The following NLRP12 variants were observed in gnomAD, a reference collection of about 807,000 sequenced individuals.
The protein encoded by NLRP12 is NACHT, LRR and PYD domains-containing protein 12.
NLRP12 carries 108 observed loss-of-function variants against 91.2 expected under a neutral mutation model. The ratio of observed to expected loss-of-function variants is 1.18; its 90% confidence interval spans 1.01 to 1.39. The LOEUF is 1.39. NLRP12 is among the 40% of genes most tolerant of loss of function. NLRP12 has a pLI of 0.00. For synonymous variants in NLRP12, 613 were observed against 566.7 expected, an observed-to-expected ratio of 1.08 and a Z score of -1.16; for missense variants, 1,530 against 1,352.7, an observed-to-expected ratio of 1.13 and a Z score of -2.06.
chr19:53,806,699 A>T (rs1600697919), intron 4 of NLRP12, among the ~76,000 whole-genome samples: 1 of 148,284 alleles, frequency 6.7e-6, no homozygotes, highest in Admixed American at 6.8e-5. Flanking sequence ...AAAAAAAAAA[A>T]AAAAAGAAAT....
chr19:53,824,039 C>G lies in NLRP12; in HGVS notation c.136G>C (p.Gly46Arg), dbSNP rs886054611. ...AGGGGACCGGCCTTCTCCATGCTTC[C>G]CCAGGGGATCTTGCCTTCTCCCAGC... ...TELGEGKIPW[G>R]SMEKAGPLEM... Residue 46 changes from glycine to arginine, a missense_variant, in exon 1 of 10, where the codon GGA becomes CGA. Physicochemically the swap from Gly to Arg is moderately radical, Grantham distance 125 (BLOSUM62 -2). Coordinates refer to ENST00000324134, the MANE Select transcript of NLRP12 (RefSeq NM_144687.4). The G allele has an allele frequency of 6.2e-6, 10 of 1,614,188 alleles. No homozygotes were observed. The highest frequency in any genetic ancestry group is 8.5e-6 in the Non-Finnish European group (10 of 1,180,036).
chr19:53,794,951 T>C (rs2122492811), intron 9 of NLRP12, among the ~76,000 whole-genome samples: 1 of 152,202 alleles, frequency 6.6e-6, no homozygotes, highest in South Asian at 2.1e-4. Flanking sequence ...TTTGCCTGCC[T>C]TGGCCTTTTT....
intron 3 of NLRP12, chr19:53,808,359 T>A (rs2091996938): frequency 6.1e-6 from 1 of 164,972 alleles, no homozygotes; most frequent in African/African-American, 2.4e-5. Flanking sequence ...CTCATTAGGA[T>A]GCGTGCTCTC....
chr19:53,804,098 G>GCT lies in NLRP12; in HGVS notation c.2438_2439insAG (p.Gly814AlafsTer22). The GCT allele has an allele frequency of 6.2e-7, 1 of 1,613,974 alleles. No homozygotes were observed. The highest frequency in any genetic ancestry group is 1.7e-5 in the Admixed American group (1 of 59,976). On this transcript the variant is annotated frameshift_variant, in exon 6 of 10. Coordinates refer to ENST00000324134, the MANE Select transcript of NLRP12 (RefSeq NM_144687.4). LOFTEE classifies it high-confidence loss of function. ...CAGAAGCCATCTCCTGACAAGCCCC[G>GCT]GACTCCAGCTGACACTTCCTCAACC...
rs753679896 is a variant in NLRP12 at position 53,819,604 on chromosome 19, T to C, written c.289+4282A>G. Reference sequence around the variant, plus strand: ...ATGTATGTATACGTATATACGCATATATATGTATGTATACGTATATACGCG... The same window carrying C: ...ATGTATGTATACGTATATACGCATACATATGTATGTATACGTATATACGCG... On this transcript the variant is annotated intron_variant, in intron 1 of 9. Transcript: ENST00000324134. Among the ~76,000 whole-genome samples, 215 of 63,896 alleles carry C rather than the reference T, an allele frequency of 3.4e-3. 16 individuals are homozygous for C. Among genetic ancestry groups the C allele is most frequent in the African/African-American group, 9.8e-3 (144 of 14,634 alleles). The allele number at this position is 63,896 out of a possible 152,430, so 41.9% of individuals were successfully genotyped here. A position where few individuals can be genotyped will look rare whatever the true frequency, so the allele number is the denominator to read the frequency against.
At chr19:53,797,505 G>A (rs983380065) in intron 8 of NLRP12, among the ~76,000 whole-genome samples, 2 of 150,150 alleles carry the variant, frequency 1.3e-5, no homozygotes, top group African/African-American at 2.5e-5. Flanking sequence ...CTGTAATCTC[G>A]CCTCCCAGGT....
At chr19:53,820,170 A>G (rs1051801396) in intron 1 of NLRP12, among the ~76,000 whole-genome samples, 1 of 152,122 alleles carries the variant, frequency 6.6e-6, no homozygotes, top group Admixed American at 6.6e-5. Context: ...AGGGGAGTCA[A>G]GACTCTTTCT....
chr19:53,794,279 TTACTACA>T (rs1341322249), intron 9 of NLRP12, 143 bp from the exon 10 acceptor site: 2 of 732,170 alleles, frequency 2.7e-6, no homozygotes, highest in East Asian at 5.3e-5. Flanking sequence ...GAAAGTAGGC[TTACTACA>T]TGCTACATGC....
chr19:53,819,995 A>T (rs1471496758), intron 1 of NLRP12, among the ~76,000 whole-genome samples: 1 of 152,118 alleles, frequency 6.6e-6, no homozygotes, highest in Non-Finnish European at 1.5e-5. Flanking sequence ...GTTTCCCAGC[A>T]CACTACTACT....
In NLRP12 at chr19:53,809,757, C is replaced by T. The variant is rs1316109066; in HGVS notation, c.1902G>A (p.Gln634=). Residue 634 remains glutamine (Q), a synonymous_variant, in exon 3 of 10, where the codon CAG becomes CAA. Transcript: ENST00000324134. ...AGGCAATGTTGCTGACCACGATCAC[C>T]TGGAAGTGGCTCAGGGCCTGCTGGA... The part of the protein sequence containing the change: ...EFIQQALSHF[Q]VIVVSNIASK... 6.2e-7 allele frequency: 1 copy of T among 1,614,068 alleles called. No homozygotes were observed. The highest frequency in any genetic ancestry group is 1.3e-5 in the African/African-American group (1 of 74,928).
At chr19:53,800,261 C>G (rs547811701) in intron 7 of NLRP12, among the ~76,000 whole-genome samples, 1 of 151,838 alleles carries the variant, frequency 6.6e-6, no homozygotes, top group Non-Finnish European at 1.5e-5. Flanking sequence ...GCTGAGATCG[C>G]GCCACCGCAC....
At chr19:53,809,535 A>AAAAC in intron 3 of NLRP12, 52 bp downstream of exon 3, 1 of 1,448,866 alleles carries the variant, frequency 6.9e-7, no homozygotes, top group Non-Finnish European at 9.3e-7. Context: ...AAAAAAAAAA[A>AAAAC]AAAAAACACA....
chr19:53,819,068 G>A (rs1462234097), intron 1 of NLRP12, among the ~76,000 whole-genome samples: 11 of 152,026 alleles, frequency 7.2e-5, no homozygotes, highest in Non-Finnish European at 5.9e-5. Context: ...AAGAACGCTC[G>A]GCAAATGGTT....
At chr19:53,820,492 T>C (rs1427889458) in intron 1 of NLRP12, among the ~76,000 whole-genome samples, 2 of 149,900 alleles carry the variant, frequency 1.3e-5, no homozygotes, top group Non-Finnish European at 3.0e-5. Context: ...ATTGTGCCAC[T>C]GCACTCCAGC....
rs2092049568 is a variant in NLRP12 at position 53,810,458 on chromosome 19, A to T, written c.1201T>A (p.Cys401Ser). 1 of 1,614,026 alleles carries T rather than the reference A, an allele frequency of 6.2e-7. No homozygotes were observed. The highest frequency in any genetic ancestry group is 1.1e-5 in the South Asian group (1 of 91,084). ...ACCCAGCACACCAGGGGGACGAAGC[A>T]CATGGTGAAGAGAGGCTCGTTGTCC... ...VRDNEPLFTM[C>S]FVPLVCWVVC... Residue 401 changes from cysteine to serine, a missense_variant, in exon 3 of 10, where the codon TGC (cysteine) becomes AGC (serine). Coordinates refer to ENST00000324134, the MANE Select transcript of NLRP12 (RefSeq NM_144687.4).
intron 7 of NLRP12, among the ~76,000 whole-genome samples, chr19:53,799,062 G>C (rs1267483394): frequency 2.8e-5 from 4 of 144,060 alleles, no homozygotes; most frequent in Non-Finnish European, 6.0e-5. Context: ...GCCCAGGCTG[G>C]AGTGCAGTGG....
chr19:53,799,873 AG>A lies in NLRP12; in HGVS notation c.2756+1353del, dbSNP rs375788687. On this transcript the variant is annotated intron_variant, in intron 7 of 9. Transcript: ENST00000324134. ...CCCAGATTTTAGCTAGGGATTAGAA[AG>A]GGTGTCCAGCTGGGTGTAGTGGGTC... is the stretch of plus-strand genomic sequence containing the variant. Among the ~76,000 whole-genome samples the A allele has an allele frequency of 7.5e-4, 114 of 152,004 alleles. 1 individual carries two copies. The South Asian group carries it at 0.022, about 30-fold the overall frequency.
Position 53,794,070 on chromosome 19 carries a change from A to T in NLRP12, c.3165T>A (p.Pro1055=). The part of the protein sequence containing the change: ...SRLAALRVTK[P]YLDIGC ...CCATTCAGCAGCCAATGTCCAAATA[A>T]GGTTTTGTTACTCGAAGCGCTGCCA... is the stretch of plus-strand genomic sequence containing the variant. Residue 1055 remains proline, a synonymous_variant, in exon 10 of 10, where the codon CCT becomes CCA. Coordinates refer to ENST00000324134, the MANE Select transcript of NLRP12 (RefSeq NM_144687.4). The T allele has an allele frequency of 6.2e-7, 1 of 1,613,736 alleles. No individual in the cohort carries two copies. Among genetic ancestry groups the T allele is most frequent in the African/African-American group, 1.3e-5 (1 of 75,030 alleles).
chr19:53,798,539 G>A, intron 7 of NLRP12, 126 bp from the exon 8 acceptor site: 3 of 910,968 alleles, frequency 3.3e-6, no homozygotes, highest in African/African-American at 3.3e-5. Context: ...ACCCTTGAGA[G>A]ACAAAAAGAA....
Sources: allele counts gnomAD v4.1 joint callset (sites outside exome capture counted in the v4.1 genomes callset), GRCh38; gene constraint gnomAD v4.1.1; transcripts MANE v1.5; gene names NCBI Gene and HGNC (gene_info 2026-07-23, HGNC 2026-07-21).